Variants in GRAMD2A observed in about 807,000 individuals in gnomAD.
GRAMD2A encodes the protein GRAM domain-containing protein 2A.
A neutral mutation model predicts 51.1 loss-of-function variants in GRAMD2A; 37 were observed. The observed-to-expected ratio is 0.72, with a 90% CI of 0.56 to 0.95. The LOEUF (loss-of-function observed/expected upper bound fraction) is 0.95, where lower values mean the gene tolerates loss of function less well. Ranked by LOEUF, GRAMD2A falls within the 40% of genes least tolerant of loss-of-function variation. The pLI is 0.00. For synonymous variants in GRAMD2A, 136 were observed against 157.1 expected (o/e 0.87, Z 1.01); for missense variants, 414 against 426.9 (o/e 0.97, Z 0.27).
chr15:72,191,195 G>A (rs2081765440), intron 1 of GRAMD2A, among the ~76,000 whole-genome samples: 1 of 151,978 alleles, frequency 6.6e-6, no homozygotes. Flanking sequence ...TGGTTGAAGA[G>A]GGAACACATC....
At position 72,166,491 on chromosome 15, in the gene GRAMD2A, T is replaced by C. The variant is rs1480535819; in HGVS notation, c.543+141A>G. Reference sequence around the variant, plus strand: ...CAATCCAAGTACTGTCTCTTGTACATTGAGCCTGAGCCTTTAACTCCCCTC... The same window carrying C: ...CAATCCAAGTACTGTCTCTTGTACACTGAGCCTGAGCCTTTAACTCCCCTC... On this transcript the variant is annotated intron_variant, in intron 7 of 11. Transcript: ENST00000309731. This position sits in a 1 kb window ranked among gnomAD's most constrained non-coding sequence, Gnocchi z 4.1. 3.0e-6 allele frequency: 2 copies of C among 672,102 alleles called. No homozygotes were observed. Among genetic ancestry groups the C allele is most frequent in the Non-Finnish European group, 2.7e-6 (1 of 372,666 alleles). The allele number at this position is 672,102 out of a possible 1,614,324, so 41.6% of individuals were successfully genotyped here.
chr15:72,167,659 G>T, intron 5 of GRAMD2A, 77 bp downstream of exon 5: 1 of 1,122,238 alleles, frequency 8.9e-7, no homozygotes, highest in South Asian at 1.2e-5. Flanking sequence ...AGATAGGCAT[G>T]ACTTTGAGGC....
chr15:72,180,129 C>T (rs999109633), intron 1 of GRAMD2A, among the ~76,000 whole-genome samples: 5 of 152,320 alleles, frequency 3.3e-5, no homozygotes, highest in Middle Eastern at 3.4e-3. Flanking sequence ...ACAGTCGCCA[C>T]GGAGACAGAC....
chr15:72,168,533 T>C lies in GRAMD2A; in HGVS notation c.226A>G (p.Lys76Glu). The C allele has an allele frequency of 6.2e-7, 1 of 1,613,904 alleles. No homozygotes were observed. The highest frequency in any genetic ancestry group is 1.1e-5 in the South Asian group (1 of 91,070). The change falls in exon 4 of 12, where the codon AAG (lysine) becomes GAG (glutamate). Residue 76 changes from lysine (K) to glutamate (E), a missense_variant. By Grantham distance (56) the Lys-to-Glu change is moderately conservative. Coordinates refer to ENST00000309731, the MANE Select transcript of GRAMD2A (RefSeq NM_001012642.3). ...TLNKYNQQYH[K>E]LFKDVPLEEV... The stretch of plus-strand genomic sequence containing the variant: ...TCCAAGGGAACATCCTTAAACAGCT[T>C]GTGGTATTGCTGGTTGTATTTATTC...
At chr15:72,163,125 C>T in intron 10 of GRAMD2A, 141 bp downstream of exon 10, 1 of 616,316 alleles carries the variant, frequency 1.6e-6, no homozygotes, top group South Asian at 2.0e-5. Context: ...ACATGGCCTT[C>T]AGATACCACC....
chr15:72,178,741 AT>A (rs1441031122), intron 1 of GRAMD2A, among the ~76,000 whole-genome samples: 1 of 151,356 alleles, frequency 6.6e-6, no homozygotes, highest in Non-Finnish European at 1.5e-5. Context: ...CGCCCGGCTA[AT>A]TTTTTGTATT....
intron 1 of GRAMD2A, among the ~76,000 whole-genome samples, chr15:72,195,052 C>T (rs1230623755): frequency 6.6e-6 from 1 of 152,194 alleles, no homozygotes; most frequent in Non-Finnish European, 1.5e-5. Context: ...ATGCTGCTTG[C>T]TGTAAGGATT....
intron 1 of GRAMD2A, among the ~76,000 whole-genome samples, chr15:72,194,500 G>T (rs750990729): frequency 6.6e-6 from 1 of 152,064 alleles, no homozygotes; most frequent in Non-Finnish European, 1.5e-5. Context: ...AGAAGACAGG[G>T]AAATGAAGAG....
In GRAMD2A at chr15:72,170,266, C is replaced by A. The variant is rs2081596364; in HGVS notation, c.42-327G>T. 1 of 513,352 alleles carries A rather than the reference C, an allele frequency of 1.9e-6. No individual in the cohort carries two copies. Among genetic ancestry groups the A allele is most frequent in the Non-Finnish European group, 3.8e-6 (1 of 265,056 alleles). 31.8% of individuals were successfully genotyped at this position (513,352 alleles called of 1,614,324 possible). A position where few individuals can be genotyped will look rare whatever the true frequency, so the allele number is the denominator to read the frequency against. ...AGGCTGAGTGAGGCCTCTAGCCCCA[C>A]CCTTGAGGAGGCACACTGAGAGGGA... is the stretch of plus-strand genomic sequence containing the variant. On this transcript the variant is annotated intron_variant, in intron 1 of 11. Transcript: ENST00000309731. The surrounding 1 kb of genome is among the most constrained non-coding windows in gnomAD (Gnocchi z 4.5).
At position 72,166,957 on chromosome 15, in the gene GRAMD2A, G is replaced by C. The variant is rs370347103; in HGVS notation, c.471+37C>G. 1 of 1,514,080 alleles carries C rather than the reference G, an allele frequency of 6.6e-7. No homozygotes were observed. The highest frequency in any genetic ancestry group is 1.7e-5 in the Admixed American group (1 of 59,880). The allele number at this position is 1,514,080 out of a possible 1,614,324, so 93.8% of individuals were successfully genotyped here. A position where few individuals can be genotyped will look rare whatever the true frequency, so the allele number is the denominator to read the frequency against. On this transcript the variant is annotated intron_variant, in intron 6 of 11. Coordinates refer to ENST00000309731, the MANE Select transcript of GRAMD2A (RefSeq NM_001012642.3). The surrounding 1 kb of genome is among the most constrained non-coding windows in gnomAD (Gnocchi z 4.1). Reference sequence around the variant, plus strand: ...CTGTGGGCTGTCAGGGCTGGGAGCGGGAGACTGACAAGGGAGCATGGGCCC... The same window carrying C: ...CTGTGGGCTGTCAGGGCTGGGAGCGCGAGACTGACAAGGGAGCATGGGCCC...
chr15:72,183,545 C>A (rs549421691), intron 1 of GRAMD2A, among the ~76,000 whole-genome samples: 2 of 151,528 alleles, frequency 1.3e-5, no homozygotes, highest in South Asian at 4.2e-4. Flanking sequence ...ACAACAACAA[C>A]AAACCCGGGC....
In GRAMD2A at chr15:72,170,285, A is replaced by T; in HGVS notation, c.42-346T>A. The T allele has an allele frequency of 2.0e-6, 1 of 497,842 alleles. No homozygotes were observed. The highest frequency in any genetic ancestry group is 5.8e-5 in the East Asian group (1 of 17,374). 30.8% of individuals were successfully genotyped at this position (497,842 alleles called of 1,614,324 possible). A position where few individuals can be genotyped will look rare whatever the true frequency, so the allele number is the denominator to read the frequency against. The stretch of plus-strand genomic sequence containing the variant: ...GCCCCACCCTTGAGGAGGCACACTG[A>T]GAGGGAGGACCCTGAGACTCGCTTA... On this transcript the variant is annotated intron_variant, in intron 1 of 11. Coordinates refer to ENST00000309731, the MANE Select transcript of GRAMD2A (RefSeq NM_001012642.3). This position sits in a 1 kb window ranked among gnomAD's most constrained non-coding sequence, Gnocchi z 4.5.
intron 1 of GRAMD2A, among the ~76,000 whole-genome samples, chr15:72,196,095 C>T (rs2081803248): frequency 6.6e-6 from 1 of 152,192 alleles, no homozygotes; most frequent in Non-Finnish European, 1.5e-5. Flanking sequence ...TGTCAGCTTT[C>T]CCCTCTGGAC....
intron 1 of GRAMD2A, 54 bp downstream of exon 1, chr15:72,197,677 C>G: frequency 7.9e-7 from 1 of 1,259,964 alleles, no homozygotes; most frequent in Non-Finnish European, 1.0e-6. Flanking sequence ...GCAGCAGCCC[C>G]TCGCGGCGGC....
chr15:72,191,616 C>G (rs2081768825), intron 1 of GRAMD2A, among the ~76,000 whole-genome samples: 1 of 152,158 alleles, frequency 6.6e-6, no homozygotes, highest in South Asian at 2.1e-4. Context: ...ATGAAATAAT[C>G]ATCAATGGCT....
chr15:72,168,163 G>C (rs915036879), intron 4 of GRAMD2A, among the ~76,000 whole-genome samples: 2 of 152,166 alleles, frequency 1.3e-5, no homozygotes, highest in Admixed American at 1.3e-4. Context: ...ACCTTTCCCT[G>C]CTCTGCTCTG....
At chr15:72,162,132 C>T (rs992615038) in intron 11 of GRAMD2A, 120 bp from the exon 12 acceptor site, 14 of 1,386,930 alleles carry the variant, frequency 1.0e-5, no homozygotes, top group East Asian at 2.3e-5. Flanking sequence ...ACTGGTGTAC[C>T]CTGCACGCTG....
At chr15:72,162,168 C>A in intron 11 of GRAMD2A, 105 bp downstream of exon 11, 1 of 1,328,060 alleles carries the variant, frequency 7.5e-7, no homozygotes, top group African/African-American at 1.4e-5. Flanking sequence ...GGTCAGAAGC[C>A]AGCTCAAAAC....
intron 1 of GRAMD2A, among the ~76,000 whole-genome samples, chr15:72,187,971 T>C (rs1253642564): frequency 6.6e-6 from 1 of 152,234 alleles, no homozygotes. Flanking sequence ...TGTAGACACC[T>C]GTCACACCTG....
Sources: gnomAD v4.1 joint callset for allele counts (sites outside exome capture counted in the v4.1 genomes callset) on GRCh38, gnomAD v4.1.1 for gene constraint, Gnocchi (gnomAD v3.1) non-coding constraint, MANE v1.5 for transcripts, NCBI Gene and HGNC (gene_info 2026-07-23, HGNC 2026-07-21) for gene names.